Variants in RARB observed in about 807,000 individuals in gnomAD.
RARB encodes the protein HBV-activated protein.
Under a neutral mutation model 51.9 loss-of-function variants are expected in RARB, and 17 were observed. That is an observed-to-expected ratio of 0.33 (90% CI 0.22 to 0.49). The LOEUF (loss-of-function observed/expected upper bound fraction) is 0.49, where lower values mean the gene tolerates loss of function less well. RARB is among the 20% of genes least tolerant of loss of function. RARB has a pLI of 0.99. For synonymous variants in RARB, 215 were observed against 195.4 expected, an observed-to-expected ratio of 1.10 and a Z score of -0.84; for missense variants, 369 against 550.8, an observed-to-expected ratio of 0.67 and a Z score of 3.30.
At chr3:25,526,106 C>G (rs1413257982) in intron 3 of RARB, among the ~76,000 whole-genome samples, 2 of 152,114 alleles carry the variant, frequency 1.3e-5, no homozygotes, top group Non-Finnish European at 2.9e-5. Context: ...ATGAGGGAAG[C>G]CTCATGGAGG....
intron 2 of RARB, among the ~76,000 whole-genome samples, chr3:25,482,168 T>C (rs181381570): frequency 6.6e-6 from 1 of 152,312 alleles, no homozygotes; most frequent in East Asian, 1.9e-4. Context: ...TAGCAGCACA[T>C]AATGCTATGG....
chr3:24,937,330 G>GA (rs1345544328), intron 2 of RARB, among the ~76,000 whole-genome samples: 1 of 152,134 alleles, frequency 6.6e-6, no homozygotes, highest in Non-Finnish European at 1.5e-5. Flanking sequence ...GTATGCTGGA[G>GA]AGGGGCCATC....
intron 4 of RARB, among the ~76,000 whole-genome samples, chr3:25,142,810 G>A (rs1040456942): frequency 6.5e-4 from 84 of 128,448 alleles, no homozygotes; most frequent in African/African-American, 1.7e-3. Flanking sequence ...GTTTTACCTC[G>A]GGCTCTGTGG....
chr3:25,571,645 T>C (rs1033933929), intron 4 of RARB, among the ~76,000 whole-genome samples: 1 of 152,200 alleles, frequency 6.6e-6, no homozygotes, highest in African/African-American at 2.4e-5. Flanking sequence ...ACCCCATGTA[T>C]CCAGAACAGA....
chr3:25,248,936 T>C (rs1702637044), intron 5 of RARB, among the ~76,000 whole-genome samples: 1 of 152,172 alleles, frequency 6.6e-6, no homozygotes, highest in Admixed American at 6.5e-5. Context: ...ATTATATCTT[T>C]TTGAAAGTCT....
At chr3:25,140,203 C>T (rs1700087872) in intron 4 of RARB, among the ~76,000 whole-genome samples, 1 of 152,050 alleles carries the variant, frequency 6.6e-6, no homozygotes. Context: ...TTGTAAGGTA[C>T]AGCTGCCATA....
chr3:25,399,634 A>G (rs1354098292), intron 5 of RARB, among the ~76,000 whole-genome samples: 1 of 152,194 alleles, frequency 6.6e-6, no homozygotes, highest in Non-Finnish European at 1.5e-5. Flanking sequence ...TGAACTTCCT[A>G]ACTTCAGACC....
chr3:25,415,449 A>G, intron 5 of RARB, among the ~76,000 whole-genome samples: 1 of 152,076 alleles, frequency 6.6e-6, no homozygotes, highest in Non-Finnish European at 1.5e-5. Flanking sequence ...TTCCAGCACC[A>G]TTTTTTGGAA....
Position 25,169,572 on chromosome 3 carries a change from G to A in RARB, c.-279-4547G>A, listed in dbSNP as rs185761089. 6.6e-5 allele frequency among the ~76,000 whole-genome samples: 10 copies of A among 152,284 alleles called. No individual in the cohort carries two copies. The East Asian group carries it at 1.5e-3, about 23-fold the overall frequency. On this transcript the variant is annotated intron_variant, in intron 4 of 11. Coordinates refer to the RARB transcript ENST00000383772. ...TATCTGGTCATAATATAAACATAAT[G>A]TAAATGATTTTTATTTTTAAAATTG... is the stretch of plus-strand genomic sequence containing the variant.
intron 2 of RARB, among the ~76,000 whole-genome samples, chr3:25,051,671 A>G (rs1202165638): frequency 6.6e-6 from 1 of 152,332 alleles, no homozygotes; most frequent in South Asian, 2.1e-4. Flanking sequence ...TAGATAGATC[A>G]AGAAAGTTAC....
intron 5 of RARB, among the ~76,000 whole-genome samples, chr3:25,233,474 G>A (rs1259496125): frequency 6.6e-6 from 1 of 152,096 alleles, no homozygotes; most frequent in East Asian, 1.9e-4. Flanking sequence ...CATGTAGATA[G>A]TTGTCTCTAA....
intron 3 of RARB, among the ~76,000 whole-genome samples, chr3:25,128,546 C>A (rs1488820116): frequency 6.6e-6 from 1 of 150,446 alleles, no homozygotes; most frequent in East Asian, 2.0e-4. Flanking sequence ...GACATGGAAT[C>A]CTACACAATT....
rs1273050066 is a variant in RARB, at chr3:24,886,344, C to T, written c.-380+27592C>T. On this transcript the variant is annotated intron_variant, in intron 2 of 11. Transcript: ENST00000383772. ...TGTGAGGCACCCACAGATGGTTGTT[C>T]AGTTGAGCTGGCTCACCTAATCCTT... Among the ~76,000 whole-genome samples the T allele has an allele frequency of 3.3e-5, 5 of 152,068 alleles. No homozygotes were observed. In the East Asian group the frequency reaches 7.7e-4, roughly 23 times the overall value.
chr3:25,446,613 C>A (rs146821373), intron 1 of RARB, among the ~76,000 whole-genome samples: 4 of 151,816 alleles, frequency 2.6e-5, no homozygotes, highest in South Asian at 2.1e-4. Flanking sequence ...ACCATCCTGG[C>A]GAACACGGTG....
intron 5 of RARB, among the ~76,000 whole-genome samples, chr3:25,243,280 C>A (rs993022272): frequency 6.6e-6 from 1 of 152,156 alleles, no homozygotes; most frequent in African/African-American, 2.4e-5. Context: ...TTCCTCTCTT[C>A]CTGTTTGAAT....
At chr3:25,225,213 C>T (rs1369876) in intron 5 of RARB, among the ~76,000 whole-genome samples, 15,408 of 152,024 alleles carry the variant, frequency 0.1, 979 homozygotes, top group South Asian at 0.26. Flanking sequence ...GAATAAAATA[C>T]TCTGATAGTA....
intron 4 of RARB, among the ~76,000 whole-genome samples, chr3:25,139,413 G>A (rs896409055): frequency 1.4e-4 from 22 of 152,116 alleles, no homozygotes; most frequent in African/African-American, 3.1e-4. Context: ...TTGCTGATAC[G>A]GAGAAAGTTT....
intron 5 of RARB, among the ~76,000 whole-genome samples, chr3:25,331,901 A>G (rs1409444227): frequency 3.3e-5 from 5 of 152,220 alleles, no homozygotes; most frequent in Non-Finnish European, 7.3e-5. Context: ...TAACACCTCT[A>G]TGCAAATAAA....
intron 2 of RARB, among the ~76,000 whole-genome samples, chr3:25,470,189 T>G (rs1419884693): frequency 2.0e-5 from 3 of 152,082 alleles, no homozygotes; most frequent in Admixed American, 6.5e-5. Context: ...CCTAATTAGA[T>G]AAGCTAGTAG....
Sources: allele counts gnomAD v4.1 joint callset (sites outside exome capture counted in the v4.1 genomes callset), GRCh38; gene constraint gnomAD v4.1.1; transcripts MANE v1.5; gene names NCBI Gene and HGNC (gene_info 2026-07-23, HGNC 2026-07-21).